ATP8A1: variants seen among roughly 807,000 people sequenced by gnomAD.
ATP8A1 encodes the protein ATPase phospholipid transporting 8A1, also known as phospholipid-transporting ATPase IA.
Under a neutral mutation model 177.7 loss-of-function variants are expected in ATP8A1, and 90 were observed. That is an observed-to-expected ratio of 0.51 (90% CI 0.43 to 0.60). The LOEUF (loss-of-function observed/expected upper bound fraction) is 0.60. Among genes scored for constraint, ATP8A1 ranks in the 20% least tolerant of loss-of-function variants. The probability of loss-of-function intolerance (pLI) is 0.00; values close to 1 mark genes in which losing one functional copy is unlikely to be tolerated. For synonymous variants in ATP8A1, 493 were observed against 485.9 expected, an observed-to-expected ratio of 1.01 and a Z score of -0.19; for missense variants, 1,072 against 1,392.8, an observed-to-expected ratio of 0.77 and a Z score of 3.67.
At chr4:42,512,505 G>A (rs975625002) in intron 22 of ATP8A1, among the ~76,000 whole-genome samples, 4 of 152,112 alleles carry the variant, frequency 2.6e-5, no homozygotes, top group South Asian at 2.1e-4. Context: ...TACTTGTGCC[G>A]GGGATACAAT....
intron 22 of ATP8A1, among the ~76,000 whole-genome samples, chr4:42,521,508 T>C (rs1726127642): frequency 6.6e-6 from 1 of 152,250 alleles, no homozygotes; most frequent in Admixed American, 6.5e-5. Flanking sequence ...TTGCTATTTA[T>C]ACAGCATCGA....
intron 24 of ATP8A1, among the ~76,000 whole-genome samples, chr4:42,501,650 C>T (rs147277416): frequency 3.7e-4 from 57 of 152,200 alleles, no homozygotes; most frequent in Middle Eastern, 6.8e-3. Flanking sequence ...TCCATATCAA[C>T]GAAAAAATAA....
At chr4:42,643,080 G>A (rs529309708) in intron 1 of ATP8A1, among the ~76,000 whole-genome samples, 212 of 152,302 alleles carry the variant, frequency 1.4e-3, no homozygotes, top group Non-Finnish European at 2.6e-3. Flanking sequence ...CAGTGATCAC[G>A]TGAAAGACTG....
intron 19 of ATP8A1, among the ~76,000 whole-genome samples, chr4:42,545,806 T>C (rs936160725): frequency 6.6e-6 from 1 of 152,124 alleles, no homozygotes; most frequent in African/African-American, 2.4e-5. Flanking sequence ...AAACCCTATC[T>C]CTACTAAAAA....
intron 30 of ATP8A1, among the ~76,000 whole-genome samples, chr4:42,447,315 T>C (rs1717387488): frequency 6.6e-6 from 1 of 152,096 alleles, no homozygotes; most frequent in African/African-American, 2.4e-5. Context: ...CCGGAGTAGC[T>C]GGGATTATAG....
At chr4:42,503,136 A>G (rs1002669276) in intron 24 of ATP8A1, among the ~76,000 whole-genome samples, 12 of 152,346 alleles carry the variant, frequency 7.9e-5, no homozygotes, top group East Asian at 3.9e-4. Flanking sequence ...TGTTTAACAT[A>G]CAGAATACTT....
At chr4:42,545,842 T>C (rs1428530003) in intron 19 of ATP8A1, among the ~76,000 whole-genome samples, 1 of 152,066 alleles carries the variant, frequency 6.6e-6, no homozygotes, top group Non-Finnish European at 1.5e-5. Flanking sequence ...GGCATGGTGA[T>C]GTGCACCTGC....
chr4:42,488,256 G>A (rs1321341135), intron 24 of ATP8A1, among the ~76,000 whole-genome samples: 1 of 152,178 alleles, frequency 6.6e-6, no homozygotes, highest in Non-Finnish European at 1.5e-5. Flanking sequence ...CTACCATCCT[G>A]AGCAGGAGGC....
At chr4:42,414,556 GATACTGT>G (rs1424434222) in intron 36 of ATP8A1, 64 bp downstream of exon 36, 2 of 1,307,556 alleles carry the variant, frequency 1.5e-6, no homozygotes, top group Non-Finnish European at 1.1e-6. Flanking sequence ...CTAAAGTCAG[GATACTGT>G]ATAAATGCTA....
At chr4:42,636,153 C>CGCGCGTGCGCGT (rs1739340548) in intron 1 of ATP8A1, among the ~76,000 whole-genome samples, 2 of 42,830 alleles carry the variant, frequency 4.7e-5, no homozygotes, top group Non-Finnish European at 1.1e-4. Context: ...CACACACACA[C>CGCGCGTGCGCGT]ACACGCACAC....
intron 27 of ATP8A1, among the ~76,000 whole-genome samples, chr4:42,460,379 C>CTTTT (rs35296572): frequency 2.2e-4 from 21 of 94,542 alleles, no homozygotes; most frequent in Non-Finnish European, 2.8e-4. Flanking sequence ...ATGGATGGAT[C>CTTTT]TTTTTTTTTT....
intron 15 of ATP8A1, among the ~76,000 whole-genome samples, chr4:42,565,803 T>TA (rs1326868578): frequency 6.6e-6 from 1 of 152,196 alleles, no homozygotes; most frequent in Non-Finnish European, 1.5e-5. Flanking sequence ...CAGAAAATGA[T>TA]AAAAAATAAT....
chr4:42,501,001 G>T (rs1039121140), intron 24 of ATP8A1, among the ~76,000 whole-genome samples: 1 of 152,028 alleles, frequency 6.6e-6, no homozygotes, highest in Non-Finnish European at 1.5e-5. Context: ...TTTTCTATCT[G>T]AAATTTTAAG....
Position 42,516,024 on chromosome 4 carries a change from T to C in ATP8A1, c.1947+6136A>G, listed in dbSNP as rs146398809. ...GGAAAGCATGAACTAGATTTGTTAA[T>C]AGGGGGCAGGCTTTCATTAAGCAAG... On this transcript the variant is annotated intron_variant, in intron 22 of 36. Coordinates refer to ENST00000381668, the MANE Select transcript of ATP8A1 (RefSeq NM_006095.2). Among the ~76,000 whole-genome samples, 206 of 152,332 alleles carry C rather than the reference T, an allele frequency of 1.4e-3. 1 individual carries two copies. The highest frequency in any genetic ancestry group is 4.7e-3 in the African/African-American group (195 of 41,576).
chr4:42,521,786 T>C (rs959976545), intron 22 of ATP8A1, among the ~76,000 whole-genome samples: 4 of 152,204 alleles, frequency 2.6e-5, no homozygotes, highest in African/African-American at 9.7e-5. Context: ...TTATATTGCA[T>C]TGCATATTAT....
intron 15 of ATP8A1, among the ~76,000 whole-genome samples, chr4:42,561,029 C>T (rs1037218096): frequency 5.3e-4 from 81 of 152,100 alleles, no homozygotes; most frequent in African/African-American, 1.7e-3. Flanking sequence ...GATCATTTTT[C>T]TCATATTGCG....
intron 20 of ATP8A1, among the ~76,000 whole-genome samples, chr4:42,532,418 GGAGGTTGTAGT>G (rs1357102965): frequency 6.6e-6 from 1 of 152,018 alleles, no homozygotes; most frequent in Non-Finnish European, 1.5e-5. Flanking sequence ...CCCAGAAGGT[GGAGGTTGTAGT>G]GAGCTGAGAT....
intron 27 of ATP8A1, among the ~76,000 whole-genome samples, 191 bp downstream of exon 27, chr4:42,464,499 A>C (rs1311617212): frequency 1.3e-5 from 2 of 152,156 alleles, no homozygotes; most frequent in Admixed American, 6.5e-5. Flanking sequence ...TCCCGACCTC[A>C]AGTGATCCGC....
chr4:42,623,685 AG>A (rs1212417716), intron 4 of ATP8A1, among the ~76,000 whole-genome samples: 23 of 152,180 alleles, frequency 1.5e-4, no homozygotes, highest in Non-Finnish European at 3.1e-4. Flanking sequence ...CCACATACTG[AG>A]GCGCATTGGA....
Sources: allele counts gnomAD v4.1 joint callset (sites outside exome capture counted in the v4.1 genomes callset), GRCh38; gene constraint gnomAD v4.1.1; transcripts MANE v1.5; gene names NCBI Gene and HGNC (gene_info 2026-07-23, HGNC 2026-07-21).